The following ARHGAP42 variants were observed in gnomAD, a reference collection of about 807,000 sequenced individuals.
ARHGAP42 encodes Rho GTPase activating protein 42.
In ARHGAP42, 63 loss-of-function variants were observed where a neutral mutation model predicts 125.0. The observed-to-expected ratio is 0.50, with a 90% CI of 0.41 to 0.62. The LOEUF (loss-of-function observed/expected upper bound fraction) is 0.62, where lower values mean the gene tolerates loss of function less well. Among genes scored for constraint, ARHGAP42 ranks in the 20% least tolerant of loss-of-function variants. The pLI is 0.00. For missense variants in ARHGAP42, 766 were observed against 1,024.2 expected (o/e 0.75, Z 3.44); for synonymous variants, 339 against 351.0 (o/e 0.97, Z 0.38).
intron 1 of ARHGAP42, among the ~76,000 whole-genome samples, chr11:100,740,879 C>T (rs75672204): frequency 0.026 from 3,955 of 152,142 alleles, 69 homozygotes; most frequent in Non-Finnish European, 0.031. Flanking sequence ...AAGAGGGTAT[C>T]TGTGGTTATA....
At chr11:100,962,172 G>T (rs528999714) in intron 15 of ARHGAP42, among the ~76,000 whole-genome samples, 1 of 152,012 alleles carries the variant, frequency 6.6e-6, no homozygotes. Context: ...TCTTAATACA[G>T]TCATGGAAAG....
intron 6 of ARHGAP42, among the ~76,000 whole-genome samples, chr11:100,924,241 G>A (rs929707744): frequency 1.3e-5 from 2 of 151,900 alleles, no homozygotes; most frequent in Non-Finnish European, 2.9e-5. Flanking sequence ...ATATGAACAG[G>A]GGATAGTGAT....
At chr11:100,827,410 C>T (rs527965491) in intron 3 of ARHGAP42, among the ~76,000 whole-genome samples, 1 of 152,330 alleles carries the variant, frequency 6.6e-6, no homozygotes, top group African/African-American at 2.4e-5. Flanking sequence ...GTATGCAACT[C>T]ATACTTTGTG....
chr11:100,803,846 A>G (rs1863923428), intron 3 of ARHGAP42, among the ~76,000 whole-genome samples: 1 of 152,178 alleles, frequency 6.6e-6, no homozygotes, highest in Non-Finnish European at 1.5e-5. Context: ...AAAATATTTT[A>G]TCTAGGGTTT....
intron 3 of ARHGAP42, among the ~76,000 whole-genome samples, chr11:100,851,140 C>T (rs566238955): frequency 6.6e-5 from 10 of 152,092 alleles, no homozygotes; most frequent in Admixed American, 2.0e-4. Flanking sequence ...CCTCGGCCTC[C>T]GAAAGTGCTG....
At position 100,812,843 on chromosome 11, in the gene ARHGAP42, C is replaced by A. The variant is rs544386977; in HGVS notation, c.312+17677C>A. Among the ~76,000 whole-genome samples the A allele has an allele frequency of 2.4e-3, 371 of 152,218 alleles. 3 individuals are homozygous for A. Among genetic ancestry groups the A allele is most frequent in the Non-Finnish European group, 5.1e-4 (35 of 68,024 alleles). Reference sequence around the variant, plus strand: ...GAAGAATATGTAGGACTCTTTAGGCCTTGTAAGGAATTAGACTTTTGCTCT... The same window carrying A: ...GAAGAATATGTAGGACTCTTTAGGCATTGTAAGGAATTAGACTTTTGCTCT... On this transcript the variant is annotated intron_variant, in intron 3 of 23. Coordinates refer to ENST00000298815, the MANE Select transcript of ARHGAP42 (RefSeq NM_152432.4).
intron 1 of ARHGAP42, among the ~76,000 whole-genome samples, chr11:100,751,076 T>G (rs1380704318): frequency 1.3e-5 from 2 of 151,654 alleles, no homozygotes; most frequent in African/African-American, 4.9e-5. Flanking sequence ...GTAGCTGGGA[T>G]TACAGGGGCC....
At chr11:100,949,521 C>G (rs866664958) in intron 11 of ARHGAP42, among the ~76,000 whole-genome samples, 33 of 152,024 alleles carry the variant, frequency 2.2e-4, no homozygotes, top group African/African-American at 7.0e-4. Flanking sequence ...AGTTTGTTAG[C>G]CCAACAATGT....
chr11:100,981,811 T>C (rs1858551798), intron 22 of ARHGAP42, among the ~76,000 whole-genome samples: 1 of 152,122 alleles, frequency 6.6e-6, no homozygotes, highest in Non-Finnish European at 1.5e-5. Flanking sequence ...GCAGCTGTTT[T>C]GATATTGGGA....
At chr11:100,731,944 C>CT (rs57924551) in intron 1 of ARHGAP42, among the ~76,000 whole-genome samples, 77 of 149,174 alleles carry the variant, frequency 5.2e-4, no homozygotes, top group African/African-American at 1.4e-3. Flanking sequence ...ATATTTAACT[C>CT]TTTTTTTTTT....
chr11:100,724,682 G>T (rs562201253), intron 1 of ARHGAP42, among the ~76,000 whole-genome samples: 1 of 113,706 alleles, frequency 8.8e-6, no homozygotes, highest in South Asian at 2.6e-4. Flanking sequence ...CGATATTTGG[G>T]TCTTTACTAT....
chr11:100,963,325 C>T (rs1591325642), intron 16 of ARHGAP42, among the ~76,000 whole-genome samples: 2 of 152,268 alleles, frequency 1.3e-5, no homozygotes, highest in East Asian at 1.9e-4. Flanking sequence ...GAAGAGTTGA[C>T]ATATGTTATC....
intron 22 of ARHGAP42, among the ~76,000 whole-genome samples, chr11:100,983,471 A>G (rs1323044094): frequency 2.6e-5 from 4 of 152,096 alleles, no homozygotes; most frequent in Non-Finnish European, 5.9e-5. Flanking sequence ...TCCCTTGACC[A>G]CCTTTTGAAA....
At chr11:100,958,676 G>T (rs1354531563) in intron 12 of ARHGAP42, among the ~76,000 whole-genome samples, 2 of 151,530 alleles carry the variant, frequency 1.3e-5, no homozygotes, top group African/African-American at 2.4e-5. Flanking sequence ...TTTTTTCTTA[G>T]GAAAATAGAA....
At chr11:100,764,046 C>T (rs1359612089) in intron 1 of ARHGAP42, among the ~76,000 whole-genome samples, 11 of 132,238 alleles carry the variant, frequency 8.3e-5, no homozygotes, top group Non-Finnish European at 1.1e-4. Context: ...TTTTTTGAGA[C>T]AAGTCTCACT....
At chr11:100,911,908 T>C (rs1453315676) in intron 4 of ARHGAP42, among the ~76,000 whole-genome samples, 4 of 152,232 alleles carry the variant, frequency 2.6e-5, no homozygotes, top group African/African-American at 7.2e-5. Context: ...TTTATTCCCT[T>C]CCCCCCATTT....
chr11:100,881,216 C>A (rs934297612), intron 4 of ARHGAP42, among the ~76,000 whole-genome samples: 2 of 152,126 alleles, frequency 1.3e-5, no homozygotes, highest in African/African-American at 4.8e-5. Flanking sequence ...TTTATAGATT[C>A]AGGTCCTAGA....
intron 1 of ARHGAP42, among the ~76,000 whole-genome samples, chr11:100,758,115 G>A (rs1397309213): frequency 6.6e-6 from 1 of 152,138 alleles, no homozygotes; most frequent in Non-Finnish European, 1.5e-5. Context: ...CAAATATGCT[G>A]TAACAATAAA....
chr11:100,912,837 G>A, intron 4 of ARHGAP42, among the ~76,000 whole-genome samples: 1 of 152,144 alleles, frequency 6.6e-6, no homozygotes, highest in East Asian at 1.9e-4. Context: ...TGGTACAGAG[G>A]TTGTTAATCC....
Sources: allele counts gnomAD v4.1 joint callset (sites outside exome capture counted in the v4.1 genomes callset), GRCh38; gene constraint gnomAD v4.1.1; transcripts MANE v1.5; gene names NCBI Gene and HGNC (gene_info 2026-07-23, HGNC 2026-07-21).